PARD3: variants seen among roughly 807,000 people sequenced by gnomAD.
PARD3 encodes the protein par-3 family cell polarity regulator.
Under a neutral mutation model 155.4 loss-of-function variants are expected in PARD3, and 75 were observed. The observed-to-expected ratio is 0.48, with a 90% CI of 0.40 to 0.58. The LOEUF (loss-of-function observed/expected upper bound fraction) is 0.58, where lower values mean the gene tolerates loss of function less well. PARD3 is among the 20% of genes least tolerant of loss of function. The pLI is 0.00. For missense variants in PARD3, 1,642 were observed against 1,721.7 expected, an observed-to-expected ratio of 0.95 and a Z score of 0.82; for synonymous variants, 576 against 610.5, an observed-to-expected ratio of 0.94 and a Z score of 0.83.
At chr10:34,782,778 G>A (rs1490597604) in intron 1 of PARD3, among the ~76,000 whole-genome samples, 1 of 151,190 alleles carries the variant, frequency 6.6e-6, no homozygotes, top group Non-Finnish European at 1.5e-5. Flanking sequence ...CCAGGCTAGA[G>A]TGTAGTGGCG....
intron 23 of PARD3, among the ~76,000 whole-genome samples, chr10:34,122,735 A>T (rs1385335645): frequency 6.6e-6 from 1 of 152,222 alleles, no homozygotes; most frequent in East Asian, 1.9e-4. Flanking sequence ...TCATCCCGGC[A>T]AGTTTGACAC....
chr10:34,483,017 G>GT (rs1036346832), intron 3 of PARD3, among the ~76,000 whole-genome samples: 9 of 151,836 alleles, frequency 5.9e-5, no homozygotes, highest in Admixed American at 2.0e-4. Flanking sequence ...TTAGCCAGGT[G>GT]TGGTGGTGCA....
At chr10:34,298,393 T>C (rs1424595611) in intron 20 of PARD3, among the ~76,000 whole-genome samples, 2 of 152,106 alleles carry the variant, frequency 1.3e-5, no homozygotes, top group Admixed American at 6.5e-5. Context: ...CGTATATACA[T>C]ACAATAAAAT....
At chr10:34,636,707 G>A (rs2092489742) in intron 2 of PARD3, among the ~76,000 whole-genome samples, 1 of 152,190 alleles carries the variant, frequency 6.6e-6, no homozygotes, top group African/African-American at 2.4e-5. Context: ...TAATTTGACT[G>A]CATGCGCTCT....
intron 1 of PARD3, among the ~76,000 whole-genome samples, chr10:34,802,579 G>T (rs938309941): frequency 2.0e-5 from 3 of 152,126 alleles, no homozygotes; most frequent in Admixed American, 1.3e-4. Flanking sequence ...GGTCTGGGGG[G>T]CCCAAACCAA....
chr10:34,376,218 T>C (rs991250724), intron 10 of PARD3, among the ~76,000 whole-genome samples: 5 of 152,228 alleles, frequency 3.3e-5, no homozygotes, highest in African/African-American at 9.6e-5. Flanking sequence ...GAAGTTTCCA[T>C]TTTAAGACAA....
intron 5 of PARD3, among the ~76,000 whole-genome samples, chr10:34,411,967 T>G (rs1269288368): frequency 1.3e-5 from 2 of 149,834 alleles, no homozygotes; most frequent in Non-Finnish European, 3.0e-5. Flanking sequence ...TGTGTGTATT[T>G]CCTCCTTTTT....
intron 15 of PARD3, chr10:34,344,879 T>C (rs528172282): frequency 6.1e-6 from 6 of 985,378 alleles, no homozygotes; most frequent in East Asian, 2.3e-4. Context: ...GTACAGAAAG[T>C]GTGCAACTTC....
intron 15 of PARD3, among the ~76,000 whole-genome samples, chr10:34,347,119 A>C (rs1049122330): frequency 6.6e-6 from 1 of 152,248 alleles, no homozygotes; most frequent in African/African-American, 2.4e-5. Flanking sequence ...AATGGAGTTA[A>C]ATTTAGGGTT....
intron 23 of PARD3, among the ~76,000 whole-genome samples, chr10:34,121,082 A>G (rs2132690842): frequency 6.6e-6 from 1 of 152,180 alleles, no homozygotes. Flanking sequence ...AAAAAAGGAA[A>G]AACGAAAAGA....
At chr10:34,553,005 T>C (rs1300734928) in intron 2 of PARD3, among the ~76,000 whole-genome samples, 1 of 152,162 alleles carries the variant, frequency 6.6e-6, no homozygotes, top group African/African-American at 2.4e-5. Context: ...CTTCAAATAC[T>C]CAAATGCCCT....
chr10:34,285,850 C>A (rs1956362831), intron 20 of PARD3, among the ~76,000 whole-genome samples: 1 of 151,976 alleles, frequency 6.6e-6, no homozygotes, highest in African/African-American at 2.4e-5. Flanking sequence ...AAAACACCAC[C>A]ACCACTACTT....
intron 21 of PARD3, among the ~76,000 whole-genome samples, chr10:34,279,269 T>C (rs1177627125): frequency 6.7e-6 from 1 of 149,506 alleles, no homozygotes; most frequent in East Asian, 2.0e-4. Context: ...CTTGCTAAAG[T>C]GTTAGGATTA....
chr10:34,595,659 C>T (rs2089183736), intron 2 of PARD3, among the ~76,000 whole-genome samples: 1 of 152,024 alleles, frequency 6.6e-6, no homozygotes, highest in Admixed American at 6.6e-5. Context: ...TTTCTGTATG[C>T]TGTAGTGGAA....
intron 2 of PARD3, among the ~76,000 whole-genome samples, chr10:34,654,241 G>T (rs1417854424): frequency 2.6e-5 from 4 of 151,422 alleles, no homozygotes; most frequent in Non-Finnish European, 4.4e-5. Context: ...GAAAGAATTT[G>T]CAAATACAAA....
At chr10:34,342,792 G>T (rs984626216) in intron 15 of PARD3, among the ~76,000 whole-genome samples, 1 of 152,226 alleles carries the variant, frequency 6.6e-6, no homozygotes, top group East Asian at 1.9e-4. Flanking sequence ...TAAACTTGCT[G>T]GGGATTTCAA....
chr10:34,506,731 G>A (rs969583705), intron 3 of PARD3, among the ~76,000 whole-genome samples: 2 of 152,096 alleles, frequency 1.3e-5, no homozygotes, highest in African/African-American at 2.4e-5. Flanking sequence ...GTGTTTTATG[G>A]ATGAAAAATG....
Position 34,312,380 on chromosome 10 carries a change from A to C in PARD3, c.3065+4727T>G, listed in dbSNP as rs200523550. The C allele has an allele frequency of 1.1e-4, 173 of 1,612,580 alleles. 1 individual carries two copies. Among genetic ancestry groups the C allele is most frequent in the Admixed American group, 2.7e-4 (16 of 60,006 alleles). On this transcript the variant is annotated intron_variant, in intron 20 of 24. Coordinates refer to ENST00000374788, the MANE Select transcript of PARD3 (RefSeq NM_001184785.2). ...TCTCTTCTCGGGCTTCAGTTTGGCA[A>C]GGCTAAATGAGAGACACGGTACAGA...
chr10:34,263,638 G>A (rs1272327262), intron 22 of PARD3, among the ~76,000 whole-genome samples: 1 of 152,052 alleles, frequency 6.6e-6, no homozygotes, highest in Non-Finnish European at 1.5e-5. Flanking sequence ...GTGACAGAGT[G>A]AGACCCTGTT....
Sources: allele counts gnomAD v4.1 joint callset (sites outside exome capture counted in the v4.1 genomes callset), GRCh38; gene constraint gnomAD v4.1.1; transcripts MANE v1.5; gene names NCBI Gene and HGNC (gene_info 2026-07-23, HGNC 2026-07-21).